Variants in PDE8B observed in about 807,000 individuals in gnomAD.
PDE8B encodes phosphodiesterase 8B, also known as high affinity cAMP-specific and IBMX-insensitive 3',5'-cyclic phosphodiesterase 8B.
PDE8B carries 26 observed loss-of-function variants against 101.3 expected under a neutral mutation model. That is an observed-to-expected ratio of 0.26 (90% CI 0.19 to 0.36). The LOEUF (loss-of-function observed/expected upper bound fraction) is 0.36. Among genes scored for constraint, PDE8B ranks in the 10% least tolerant of loss-of-function variants. PDE8B has a pLI of 1.00. For synonymous variants in PDE8B, 424 were observed against 429.3 expected, an observed-to-expected ratio of 0.99 and a Z score of 0.15; for missense variants, 810 against 1,163.1, an observed-to-expected ratio of 0.70 and a Z score of 4.42.
intron 20 of PDE8B, 99 bp downstream of exon 20, chr5:77,422,087 ATTAG>A (rs763572773): frequency 1.2e-4 from 158 of 1,274,074 alleles, no homozygotes; most frequent in Admixed American, 2.0e-4. Context: ...CTTTTTACCA[ATTAG>A]TTAACCACTC....
the PDE8B span, among the ~76,000 whole-genome samples, chr5:77,160,684 C>T: frequency 1.3e-5 from 2 of 152,232 alleles, no homozygotes; most frequent in African/African-American, 4.8e-5. Flanking sequence ...CAGTGTCTTG[C>T]TCTGTTGCCC....
At chr5:77,353,212 T>C in intron 9 of PDE8B, 134 bp from the exon 10 acceptor site, 1 of 682,348 alleles carries the variant, frequency 1.5e-6, no homozygotes, top group Non-Finnish European at 2.7e-6. Context: ...GTAGATTGAG[T>C]CTTGCTTGAA....
At position 77,245,461 on chromosome 5, in the gene PDE8B, C is replaced by T. The variant is rs180806716; in HGVS notation, c.339+34197C>T. 6.3e-4 allele frequency among the ~76,000 whole-genome samples: 96 copies of T among 152,294 alleles called. 1 individual carries two copies. The highest frequency in any genetic ancestry group is 6.0e-3 in the Admixed American group (91 of 15,294). ...GTAGTATCATTATCATTAACAATGA[C>T]TATTTTCTGAGAATTGACAGTCTCT... On this transcript the variant is annotated intron_variant, in intron 1 of 21. Transcript: ENST00000264917.
chr5:77,418,479 T>G, intron 18 of PDE8B, 33 bp downstream of exon 18: 1 of 1,518,400 alleles, frequency 6.6e-7, no homozygotes, highest in Non-Finnish European at 9.1e-7. Context: ...TGCTCAAGTT[T>G]GTGAAGTTTA....
intron 2 of PDE8B, among the ~76,000 whole-genome samples, chr5:77,318,771 T>C (rs1162627284): frequency 6.6e-6 from 1 of 152,218 alleles, no homozygotes; most frequent in Non-Finnish European, 1.5e-5. Flanking sequence ...AGAGCTTATG[T>C]GATCTATATA....
intron 1 of PDE8B, among the ~76,000 whole-genome samples, chr5:77,265,418 A>G (rs1372784629): frequency 6.6e-6 from 1 of 152,182 alleles, no homozygotes; most frequent in African/African-American, 2.4e-5. Context: ...CACAATCGCT[A>G]GTTCATCAGT....
chr5:77,248,960 G>A (rs1177236082), intron 1 of PDE8B, among the ~76,000 whole-genome samples: 3 of 152,198 alleles, frequency 2.0e-5, no homozygotes. Flanking sequence ...GCCCTCACCA[G>A]GAACCAACCC....
At chr5:77,224,688 AT>A (rs956692948) in intron 1 of PDE8B, among the ~76,000 whole-genome samples, 1 of 152,338 alleles carries the variant, frequency 6.6e-6, no homozygotes, top group Admixed American at 6.5e-5. Context: ...TCATTTAAAG[AT>A]TTTTTTAATC....
chr5:77,248,903 A>G (rs1348411805), intron 1 of PDE8B, among the ~76,000 whole-genome samples: 1 of 152,236 alleles, frequency 6.6e-6, no homozygotes, highest in Non-Finnish European at 1.5e-5. Flanking sequence ...ACTCCCTGCC[A>G]TGTGAGGACA....
chr5:77,406,192 T>C (rs547149640), intron 12 of PDE8B, among the ~76,000 whole-genome samples: 51 of 152,204 alleles, frequency 3.4e-4, no homozygotes, highest in Admixed American at 7.2e-4. Flanking sequence ...GGCTGAGGCA[T>C]GGGATTCGCT....
chr5:77,422,872 G>C (rs6860843), intron 20 of PDE8B, among the ~76,000 whole-genome samples: 43,867 of 152,058 alleles, frequency 0.29, 6,704 homozygotes, highest in East Asian at 0.5. Flanking sequence ...CAGCAGAGGA[G>C]CCCAGTATGT....
chr5:77,214,783 A>T (rs1404302662), intron 1 of PDE8B, among the ~76,000 whole-genome samples: 1 of 152,118 alleles, frequency 6.6e-6, no homozygotes, highest in Non-Finnish European at 1.5e-5. Context: ...TAAAATATAG[A>T]TTGCTGGACT....
intron 10 of PDE8B, chr5:77,358,375 T>C: frequency 1.1e-6 from 1 of 904,466 alleles, no homozygotes; most frequent in African/African-American, 1.8e-5. Context: ...TTCCAGCCCA[T>C]GTCTCTACCC....
At chr5:77,266,444 T>G (rs1271815737) in intron 1 of PDE8B, among the ~76,000 whole-genome samples, 3 of 152,210 alleles carry the variant, frequency 2.0e-5, no homozygotes, top group African/African-American at 7.2e-5. Context: ...GCGCTGTCTA[T>G]TCCTAGGGGA....
At chr5:77,383,260 C>T (rs931139477) in intron 10 of PDE8B, among the ~76,000 whole-genome samples, 2 of 152,144 alleles carry the variant, frequency 1.3e-5, no homozygotes, top group African/African-American at 4.8e-5. Context: ...CTGTTCATAT[C>T]CTTCGCCCAC....
At chr5:77,363,948 A>T (rs1273765952) in intron 10 of PDE8B, among the ~76,000 whole-genome samples, 1 of 152,038 alleles carries the variant, frequency 6.6e-6, no homozygotes, top group Non-Finnish European at 1.5e-5. Context: ...GTCCACAGCC[A>T]CCCCAGTGGG....
intron 8 of PDE8B, among the ~76,000 whole-genome samples, chr5:77,349,941 GT>G (rs1010276473): frequency 1.3e-5 from 2 of 152,094 alleles, no homozygotes; most frequent in Non-Finnish European, 2.9e-5. Context: ...GGTAGGCCAG[GT>G]TTTTTTCCCA....
At chr5:77,246,637 G>A (rs937028630) in intron 1 of PDE8B, 1 of 152,184 alleles carries the variant, frequency 6.6e-6, no homozygotes, top group Non-Finnish European at 1.5e-5. Context: ...TATTGTCTAT[G>A]ATAGCAGTCA....
At chr5:77,110,195 C>T in the PDE8B span, among the ~76,000 whole-genome samples, 136 of 152,034 alleles carry the variant, frequency 8.9e-4, no homozygotes, top group African/African-American at 3.3e-3. Context: ...TAATCTGCCT[C>T]CCCAAATTGC....
Sources: gnomAD v4.1 joint callset for allele counts (sites outside exome capture counted in the v4.1 genomes callset) on GRCh38, gnomAD v4.1.1 for gene constraint, MANE v1.5 for transcripts, NCBI Gene and HGNC (gene_info 2026-07-23, HGNC 2026-07-21) for gene names.